The following TMEM135 variants were observed in gnomAD, a reference collection of about 807,000 sequenced individuals.
TMEM135 encodes peroxisomal membrane protein 52.
TMEM135 carries 30 observed loss-of-function variants against 60.3 expected under a neutral mutation model. The observed-to-expected ratio is 0.50, with a 90% confidence interval of 0.37 to 0.68. The LOEUF (loss-of-function observed/expected upper bound fraction) is 0.68. TMEM135 is among the 30% of genes least tolerant of loss of function. The pLI, the probability that TMEM135 is intolerant of heterozygous loss-of-function variation, is 0.00. For missense variants in TMEM135, 468 were observed against 548.8 expected (o/e 0.85, Z 1.47); for synonymous variants, 190 against 186.7 (o/e 1.02, Z -0.14).
intron 5 of TMEM135, among the ~76,000 whole-genome samples, chr11:87,198,052 G>A (rs188087614): frequency 6.6e-6 from 1 of 152,016 alleles, no homozygotes; most frequent in Non-Finnish European, 1.5e-5. Context: ...CCATCACCTT[G>A]AGTGTTTATC....
chr11:87,297,610 A>G (rs530642123), intron 7 of TMEM135, among the ~76,000 whole-genome samples: 103 of 152,338 alleles, frequency 6.8e-4, no homozygotes, highest in African/African-American at 2.3e-3. Context: ...AATTCTTGCA[A>G]AAACTTAAAA....
chr11:87,276,695 G>A (rs1239245865), intron 6 of TMEM135, among the ~76,000 whole-genome samples: 1 of 115,834 alleles, frequency 8.6e-6, no homozygotes, highest in Admixed American at 1.0e-4. Context: ...TTGAGATGGA[G>A]TCTAGCTTTG....
chr11:87,263,337 A>T (rs1361167096), intron 6 of TMEM135, among the ~76,000 whole-genome samples: 3 of 152,204 alleles, frequency 2.0e-5, no homozygotes, highest in African/African-American at 7.2e-5. Context: ...CTGATTCTTC[A>T]TATTTTGTTA....
At chr11:87,177,105 A>G (rs976193497) in intron 5 of TMEM135, among the ~76,000 whole-genome samples, 3 of 152,166 alleles carry the variant, frequency 2.0e-5, no homozygotes, top group African/African-American at 7.2e-5. Context: ...AAAATCTCTG[A>G]GACTAATGAG....
At chr11:87,140,600 A>G (rs983075166) in intron 4 of TMEM135, among the ~76,000 whole-genome samples, 1 of 152,154 alleles carries the variant, frequency 6.6e-6, no homozygotes, top group African/African-American at 2.4e-5. Context: ...GTGGGATAGG[A>G]TATATATTTT....
intron 8 of TMEM135, among the ~76,000 whole-genome samples, chr11:87,303,121 C>T (rs1315385757): frequency 6.6e-6 from 1 of 152,100 alleles, no homozygotes; most frequent in Non-Finnish European, 1.5e-5. Context: ...CAGTACTGGT[C>T]CGAGGCCTGT....
chr11:87,081,598 C>CGA (rs969471710), intron 3 of TMEM135, among the ~76,000 whole-genome samples: 1 of 151,348 alleles, frequency 6.6e-6, no homozygotes, highest in Non-Finnish European at 1.5e-5. Flanking sequence ...TAGGGCATAA[C>CGA]GAGAGGTTTC....
At chr11:87,227,726 A>G (rs1273777029) in intron 5 of TMEM135, among the ~76,000 whole-genome samples, 1 of 152,166 alleles carries the variant, frequency 6.6e-6, no homozygotes, top group Non-Finnish European at 1.5e-5. Context: ...TTGACTTTGA[A>G]CACACATTGT....
rs150859433 is a variant in TMEM135, at chr11:87,085,474, G to A, written c.363-5888G>A. ...AATTACAGAACTTAAAGATGATTTA[G>A]GGCCAGGTGCGGTGGCTCATGCCTG... is the stretch of plus-strand genomic sequence containing the variant. On this transcript the variant is annotated intron_variant, in intron 3 of 14. Transcript: ENST00000305494. Among the ~76,000 whole-genome samples, 456 of 152,270 alleles carry A rather than the reference G, an allele frequency of 3.0e-3. 2 individuals carry two copies. The highest frequency in any genetic ancestry group is 0.011 in the African/African-American group (441 of 41,564).
chr11:87,106,789 G>A (rs1033492887), intron 4 of TMEM135, among the ~76,000 whole-genome samples: 4 of 152,120 alleles, frequency 2.6e-5, no homozygotes, highest in African/African-American at 7.2e-5. Flanking sequence ...ATCAGAGGCT[G>A]GATAATTTAT....
Position 87,270,300 on chromosome 11 carries a change from G to A in TMEM135, c.510-25482G>A, listed in dbSNP as rs561038394. On this transcript the variant is annotated intron_variant, in intron 6 of 14. Transcript: ENST00000305494. ...TTTTCTCCCATTTTGTAGGATGCCT[G>A]TTCACTCTGATGGTAGTTTCTTTTG... is the stretch of plus-strand genomic sequence containing the variant. 2.9e-3 allele frequency among the ~76,000 whole-genome samples: 437 copies of A among 151,930 alleles called. 4 individuals are homozygous for A. Among genetic ancestry groups the A allele is most frequent in the African/African-American group, 0.01 (420 of 41,460 alleles).
chr11:87,255,216 G>T (rs1418376129), intron 6 of TMEM135, among the ~76,000 whole-genome samples: 3 of 152,130 alleles, frequency 2.0e-5, no homozygotes, highest in Non-Finnish European at 2.9e-5. Flanking sequence ...AGCAGGTAGG[G>T]GTCGGAAGAA....
At chr11:87,054,439 GAAAA>G (rs1949872700) in intron 1 of TMEM135, among the ~76,000 whole-genome samples, 1 of 149,994 alleles carries the variant, frequency 6.7e-6, no homozygotes, top group Admixed American at 6.6e-5. Context: ...TCTCAAAAAA[GAAAA>G]AAAGAAAAAA....
At chr11:87,253,582 C>T (rs1941463116) in intron 6 of TMEM135, among the ~76,000 whole-genome samples, 1 of 93,362 alleles carries the variant, frequency 1.1e-5, no homozygotes, top group Non-Finnish European at 2.3e-5. Context: ...CCACTGGATA[C>T]AGTAGCCTCT....
intron 6 of TMEM135, among the ~76,000 whole-genome samples, chr11:87,245,568 G>C (rs1941248783): frequency 7.0e-6 from 1 of 141,952 alleles, no homozygotes; most frequent in African/African-American, 2.7e-5. Flanking sequence ...AGGATAGTTA[G>C]CTCTTCTTGT....
intron 5 of TMEM135, among the ~76,000 whole-genome samples, chr11:87,218,770 C>T (rs1243473044): frequency 1.3e-4 from 20 of 151,990 alleles, no homozygotes; most frequent in Admixed American, 1.1e-3. Context: ...GAGATCAGCC[C>T]GGCCAATATG....
intron 1 of TMEM135, 116 bp downstream of exon 1, chr11:87,038,302 G>C: frequency 7.8e-7 from 1 of 1,279,188 alleles, no homozygotes; most frequent in Non-Finnish European, 1.1e-6. Flanking sequence ...CTCTCTTTTG[G>C]AGGGGTCGGA....
intron 4 of TMEM135, among the ~76,000 whole-genome samples, chr11:87,140,611 G>T (rs199714281): frequency 2.0e-5 from 3 of 152,076 alleles, no homozygotes; most frequent in African/African-American, 7.2e-5. Flanking sequence ...TATATATTTT[G>T]GTGTGGGCAT....
chr11:87,189,913 C>G (rs572977751), intron 5 of TMEM135, among the ~76,000 whole-genome samples: 2 of 151,906 alleles, frequency 1.3e-5, no homozygotes, highest in African/African-American at 2.4e-5. Flanking sequence ...AAGATCCTGT[C>G]TCATAATGAA....
Sources: gnomAD v4.1 joint callset for allele counts (sites outside exome capture counted in the v4.1 genomes callset) on GRCh38, gnomAD v4.1.1 for gene constraint, MANE v1.5 for transcripts, NCBI Gene and HGNC (gene_info 2026-07-23, HGNC 2026-07-21) for gene names.